The following MARCHF1 variants were observed in gnomAD, a reference collection of about 807,000 sequenced individuals.
MARCHF1 encodes the protein membrane associated ring-CH-type finger 1.
MARCHF1 carries 40 observed loss-of-function variants against 54.2 expected under a neutral mutation model. The ratio of observed to expected loss-of-function variants is 0.74; its 90% CI spans 0.57 to 0.96. The LOEUF (loss-of-function observed/expected upper bound fraction) is 0.96. Among genes scored for constraint, MARCHF1 ranks in the 40% least tolerant of loss-of-function variants. MARCHF1 has a pLI of 0.00. For synonymous variants in MARCHF1, 236 were observed against 236.3 expected, an observed-to-expected ratio of 1.00 and a Z score of 0.01; for missense variants, 586 against 656.5, an observed-to-expected ratio of 0.89 and a Z score of 1.17.
At chr4:164,114,293 G>T (rs1453851435) in intron 1 of MARCHF1, among the ~76,000 whole-genome samples, 3 of 151,344 alleles carry the variant, frequency 2.0e-5, no homozygotes, top group African/African-American at 7.3e-5. Context: ...TTAATGCACT[G>T]GTTATATTTA....
At chr4:164,230,608 T>C (rs977655509) in intron 1 of MARCHF1, among the ~76,000 whole-genome samples, 1 of 152,060 alleles carries the variant, frequency 6.6e-6, no homozygotes, top group Non-Finnish European at 1.5e-5. Flanking sequence ...ATCTCCCTAC[T>C]ATACTACCAA....
chr4:163,930,656 G>A (rs552069454), intron 3 of MARCHF1, among the ~76,000 whole-genome samples: 1 of 152,074 alleles, frequency 6.6e-6, no homozygotes, highest in African/African-American at 2.4e-5. Flanking sequence ...GTTTATAGCT[G>A]GAGAGGAATT....
rs571935630 is a variant in MARCHF1 at position 164,255,045 on chromosome 4, A to C, written c.-323+128825T>G. Among the ~76,000 whole-genome samples the C allele has an allele frequency of 2.0e-3, 297 of 152,278 alleles. 2 individuals carry two copies. Among genetic ancestry groups the C allele is most frequent in the African/African-American group, 6.5e-3 (272 of 41,578 alleles). ...CAGGCGTGAGCCCCCACGCCCAGCC[A>C]TGAATGTTATAGAACTATACACATA... On this transcript the variant is annotated intron_variant, in intron 1 of 9. Coordinates refer to ENST00000514618, the MANE Select transcript of MARCHF1 (RefSeq NM_001394959.1).
intron 1 of MARCHF1, among the ~76,000 whole-genome samples, chr4:164,171,618 G>A (rs1203416267): frequency 6.6e-6 from 1 of 152,094 alleles, no homozygotes; most frequent in African/African-American, 2.4e-5. Context: ...TATTAAGGAA[G>A]GCACACAAAT....
intron 2 of MARCHF1, among the ~76,000 whole-genome samples, chr4:164,015,704 G>GAA (rs375569183): frequency 5.4e-5 from 8 of 148,554 alleles, no homozygotes; most frequent in African/African-American, 2.0e-4. Context: ...AATAGTATAT[G>GAA]AAAAAAAAAA....
At chr4:164,356,241 T>A (rs1214453336) in intron 1 of MARCHF1, among the ~76,000 whole-genome samples, 1 of 114,588 alleles carries the variant, frequency 8.7e-6, no homozygotes, top group African/African-American at 2.9e-5. Context: ...AGAAATACCA[T>A]TTGACCCAGC....
chr4:163,934,947 T>A (rs1560826234), intron 3 of MARCHF1, among the ~76,000 whole-genome samples: 1 of 152,166 alleles, frequency 6.6e-6, no homozygotes, highest in Non-Finnish European at 1.5e-5. Flanking sequence ...TTTGCCCAGA[T>A]TCAATCAAAG....
Position 163,892,005 on chromosome 4 carries a change from T to C in MARCHF1, c.-38-37836A>G, listed in dbSNP as rs533056179. 5.9e-5 allele frequency among the ~76,000 whole-genome samples: 9 copies of C among 151,684 alleles called. No homozygotes were observed. In the South Asian group the frequency reaches 1.7e-3, roughly 28 times the overall value. ...AAAAAGTCTCAATAGATTCAACAGA[T>C]TTTTTTTTAAAAAAAACAAAGAACA... On this transcript the variant is annotated intron_variant, in intron 3 of 9. Transcript: ENST00000514618.
intron 1 of MARCHF1, among the ~76,000 whole-genome samples, chr4:164,115,483 C>T (rs1316582836): frequency 1.3e-5 from 2 of 152,020 alleles, no homozygotes; most frequent in Admixed American, 6.5e-5. Context: ...AAATTTTCTG[C>T]ATTTGGCAGA....
chr4:163,883,471 C>T (rs1474362524), intron 3 of MARCHF1, among the ~76,000 whole-genome samples: 1 of 151,364 alleles, frequency 6.6e-6, no homozygotes, highest in Non-Finnish European at 1.5e-5. Flanking sequence ...GGAGACCCAT[C>T]TCTTTATTAA....
At chr4:163,596,555 A>G (rs1262336426) in intron 7 of MARCHF1, among the ~76,000 whole-genome samples, 1 of 151,024 alleles carries the variant, frequency 6.6e-6, no homozygotes, top group Non-Finnish European at 1.5e-5. Context: ...AAAAAAAAAA[A>G]AAAAAAAAGA....
intron 3 of MARCHF1, among the ~76,000 whole-genome samples, chr4:163,928,758 G>A (rs1316070633): frequency 1.3e-5 from 2 of 151,908 alleles, no homozygotes; most frequent in Non-Finnish European, 2.9e-5. Flanking sequence ...AATTGGACAT[G>A]CTGAGAGTGG....
intron 1 of MARCHF1, among the ~76,000 whole-genome samples, chr4:164,183,775 A>G (rs995479017): frequency 9.2e-5 from 14 of 152,198 alleles, no homozygotes; most frequent in African/African-American, 3.4e-4. Context: ...GATTCAAATA[A>G]AGTGCAATGG....
chr4:163,632,387 A>G (rs1317962492), intron 5 of MARCHF1, among the ~76,000 whole-genome samples: 24 of 152,300 alleles, frequency 1.6e-4, no homozygotes, highest in African/African-American at 5.3e-4. Flanking sequence ...CAGTGGGTGC[A>G]TGCACTGTGC....
intron 3 of MARCHF1, among the ~76,000 whole-genome samples, chr4:163,919,659 T>G (rs1319289961): frequency 6.6e-6 from 1 of 152,064 alleles, no homozygotes; most frequent in East Asian, 1.9e-4. Flanking sequence ...GTAGCTCACA[T>G]TAATGAATTG....
In MARCHF1 at chr4:164,250,054, T is replaced by C. The variant is rs1330334914; in HGVS notation, c.-323+133816A>G. ...GAAGTTATCTGCCCAGGAGCACAGATAGTAGCAGGTCTAGAGAAGACAATC... is the reference window on the plus strand; with the variant it reads ...GAAGTTATCTGCCCAGGAGCACAGACAGTAGCAGGTCTAGAGAAGACAATC... On this transcript the variant is annotated intron_variant, in intron 1 of 9. Coordinates refer to ENST00000514618, the MANE Select transcript of MARCHF1 (RefSeq NM_001394959.1). Among the ~76,000 whole-genome samples the C allele has an allele frequency of 4.6e-5, 7 of 152,038 alleles. No individual in the cohort carries two copies. In the East Asian group the frequency reaches 1.2e-3, roughly 25 times the overall value.
At chr4:163,933,183 A>T in intron 3 of MARCHF1, 1 of 759,950 alleles carries the variant, frequency 1.3e-6, no homozygotes. Context: ...AGTTTCTTAG[A>T]GACAACCTAA....
intron 3 of MARCHF1, among the ~76,000 whole-genome samples, chr4:163,854,450 C>A (rs979934737): frequency 6.6e-6 from 1 of 152,124 alleles, no homozygotes; most frequent in African/African-American, 2.4e-5. Flanking sequence ...GTGCCAGGTT[C>A]TAAGTGTTAT....
intron 1 of MARCHF1, among the ~76,000 whole-genome samples, chr4:164,141,079 T>C (rs1756521753): frequency 6.6e-6 from 1 of 152,198 alleles, no homozygotes. Context: ...CTTCTAACAG[T>C]AGATCACTTG....
Sources: allele counts gnomAD v4.1 joint callset (sites outside exome capture counted in the v4.1 genomes callset), GRCh38; gene constraint gnomAD v4.1.1; transcripts MANE v1.5; gene names NCBI Gene and HGNC (gene_info 2026-07-23, HGNC 2026-07-21).